The following CAGE1 variants were observed in gnomAD, a reference collection of about 807,000 sequenced individuals.
The protein encoded by CAGE1 is cancer antigen 1.
A neutral mutation model predicts 94.9 loss-of-function variants in CAGE1; 66 were observed. That is an observed-to-expected ratio of 0.70 (90% confidence interval 0.57 to 0.85). The LOEUF is 0.85. Ranked by LOEUF, CAGE1 falls within the 40% of genes least tolerant of loss-of-function variation. The pLI is 0.00. For synonymous variants in CAGE1, 319 were observed against 321.0 expected, an observed-to-expected ratio of 0.99 and a Z score of 0.07; for missense variants, 865 against 950.4, an observed-to-expected ratio of 0.91 and a Z score of 1.18.
chr6:7,361,577 A>G (rs2113424269), intron 9 of CAGE1, among the ~76,000 whole-genome samples: 1 of 152,338 alleles, frequency 6.6e-6, no homozygotes, highest in East Asian at 1.9e-4. Flanking sequence ...AACTGCAAAG[A>G]TAATCCTTCA....
At chr6:7,388,042 A>C (rs1355629985) in intron 1 of CAGE1, among the ~76,000 whole-genome samples, 3 of 151,108 alleles carry the variant, frequency 2.0e-5, no homozygotes, top group African/African-American at 7.3e-5. Context: ...CAAAAAAAAA[A>C]AAAAAAAAAA....
Position 7,365,851 on chromosome 6 carries a change from TA to T in CAGE1, c.2037del (p.Phe679LeufsTer4). On this transcript the variant is annotated frameshift_variant, in exon 8 of 14. Transcript: ENST00000502583. LOFTEE classifies it high-confidence loss of function. The stretch of plus-strand genomic sequence containing the variant: ...GCTTTTTCCTTAGCAATTAACTCTC[TA>T]AAGGTTGTGATTCTATCTTTATGTT... ...LLKHKDRITT[F>X]RELIAKEKAF... 6.5e-7 allele frequency: 1 copy of T among 1,539,334 alleles called. No individual in the cohort carries two copies.
rs757513454 is a variant in CAGE1, at chr6:7,362,936, TC to T, written c.2193+2531del. Among the ~76,000 whole-genome samples the T allele has an allele frequency of 6.6e-6, 1 of 152,100 alleles. No homozygotes were observed. The highest frequency in any genetic ancestry group is 1.5e-5 in the Non-Finnish European group (1 of 68,024). ...GAGTACTTTAAAGCAAACCTTGCCA[TC>T]ATATTAATTCACTCATAAATACTTT... On this transcript the variant is annotated intron_variant, in intron 9 of 13. Coordinates refer to ENST00000502583, the MANE Select transcript of CAGE1 (RefSeq NM_001170692.2). This position sits in a 1 kb window ranked among gnomAD's most constrained non-coding sequence, Gnocchi z 4.1.
At position 7,385,792 on chromosome 6, in the gene CAGE1, C is replaced by G; in HGVS notation, c.276G>C (p.Leu92Phe). 6.5e-7 allele frequency: 1 copy of G among 1,528,788 alleles called. No homozygotes were observed. Among genetic ancestry groups the G allele is most frequent in the Non-Finnish European group, 8.8e-7 (1 of 1,136,626 alleles). The allele number at this position is 1,528,788 out of a possible 1,614,324, so 94.7% of individuals were successfully genotyped here. The part of the protein sequence containing the change: ...CEDAYGTLDN[L>F]LNDNNIENYS... The stretch of plus-strand genomic sequence containing the variant: ...TAACAAGTAGATACTTACCATTTAA[C>G]AAATTGTCTAGTGTGCCATAAGCAT... The change falls in exon 3 of 14, where the codon TTG (leucine) becomes TTC (phenylalanine). Residue 92 changes from leucine to phenylalanine, a missense_variant. By Grantham distance (22) the Leu-to-Phe change is conservative (BLOSUM62 0). Coordinates refer to ENST00000502583, the MANE Select transcript of CAGE1 (RefSeq NM_001170692.2).
chr6:7,356,515 C>G (rs535341346), intron 9 of CAGE1, among the ~76,000 whole-genome samples: 1 of 152,148 alleles, frequency 6.6e-6, no homozygotes, highest in African/African-American at 2.4e-5. Context: ...GAAATACTCT[C>G]CCTTGCATAA....
chr6:7,364,465 T>TTTTG (rs542853858), intron 9 of CAGE1, among the ~76,000 whole-genome samples: 76 of 152,218 alleles, frequency 5.0e-4, no homozygotes, highest in African/African-American at 1.5e-3. Flanking sequence ...ATTACTGGTT[T>TTTTG]TTTGTTTGTT....
intron 5 of CAGE1, among the ~76,000 whole-genome samples, chr6:7,370,736 C>A (rs1760513800): frequency 6.6e-6 from 1 of 152,196 alleles, no homozygotes; most frequent in African/African-American, 2.4e-5. Context: ...ATTTGCTTCA[C>A]ACATTCCATC....
chr6:7,351,258 G>C (rs1759755788), intron 11 of CAGE1, among the ~76,000 whole-genome samples: 1 of 152,056 alleles, frequency 6.6e-6, no homozygotes, highest in African/African-American at 2.4e-5. Flanking sequence ...GGAAGAATTA[G>C]ATACCCTGAA....
At chr6:7,335,835 C>T (rs545093670) in intron 11 of CAGE1, among the ~76,000 whole-genome samples, 2 of 152,320 alleles carry the variant, frequency 1.3e-5, no homozygotes, top group South Asian at 4.1e-4. Flanking sequence ...CCTCAGCCTC[C>T]CAAAGTGCTG....
intron 4 of CAGE1, among the ~76,000 whole-genome samples, chr6:7,375,984 A>C (rs1436136747): frequency 6.6e-6 from 1 of 152,146 alleles, no homozygotes; most frequent in African/African-American, 2.4e-5. Context: ...CTTGATCCCC[A>C]ATCCCCAGTG....
chr6:7,347,518 G>GGT (rs1375239121), intron 11 of CAGE1: 4 of 144,670 alleles, frequency 2.8e-5, no homozygotes, highest in Non-Finnish European at 6.2e-5. Flanking sequence ...GGGGGGGTTG[G>GGT]GGGGGGCGGT....
chr6:7,365,596 T>A (rs1760303585), intron 8 of CAGE1, 21 bp from the exon 9 acceptor site: 1 of 1,595,476 alleles, frequency 6.3e-7, no homozygotes, highest in African/African-American at 1.3e-5. Flanking sequence ...ATATATTTGT[T>A]CTCACTTTCA....
intron 1 of CAGE1, among the ~76,000 whole-genome samples, chr6:7,387,742 G>C (rs571991029): frequency 6.6e-6 from 1 of 151,774 alleles, no homozygotes; most frequent in Admixed American, 6.6e-5. Context: ...TTTCAGGGCC[G>C]AGCGCGGTGG....
chr6:7,374,461 CA>C (rs1444607160), intron 4 of CAGE1, among the ~76,000 whole-genome samples: 34 of 152,042 alleles, frequency 2.2e-4, no homozygotes, highest in African/African-American at 7.7e-4. Flanking sequence ...TCTCTGAACA[CA>C]TATAAGATGC....
chr6:7,356,872 C>G (rs1461615411), intron 9 of CAGE1, among the ~76,000 whole-genome samples: 2 of 152,160 alleles, frequency 1.3e-5, no homozygotes, highest in Non-Finnish European at 2.9e-5. Context: ...TCTCAGCTCA[C>G]TGCAACCTCT....
chr6:7,361,481 CTGTG>C (rs140284720), intron 9 of CAGE1, among the ~76,000 whole-genome samples: 2 of 151,618 alleles, frequency 1.3e-5, no homozygotes, highest in Non-Finnish European at 2.9e-5. Context: ...AATGTTTTAG[CTGTG>C]TGTGTGTGTG....
chr6:7,368,826 T>C, intron 6 of CAGE1, 28 bp from the exon 7 acceptor site: 2 of 1,416,612 alleles, frequency 1.4e-6, no homozygotes, highest in East Asian at 5.1e-5. Context: ...AGAAGCTAGA[T>C]GAAAAAGTTT....
chr6:7,382,448 C>T (rs143194973), intron 3 of CAGE1, among the ~76,000 whole-genome samples: 3 of 152,022 alleles, frequency 2.0e-5, no homozygotes, highest in Admixed American at 6.5e-5. Context: ...ACTACAGGCA[C>T]GCGCCACTAT....
chr6:7,358,032 A>ATATATATG (rs1437541562), intron 9 of CAGE1, among the ~76,000 whole-genome samples: 15 of 22,844 alleles, frequency 6.6e-4, no homozygotes, highest in South Asian at 2.3e-3. Context: ...TTTGAGATAT[A>ATATATATG]TATATATATA....
Sources: allele counts gnomAD v4.1 joint callset (sites outside exome capture counted in the v4.1 genomes callset), GRCh38; gene constraint gnomAD v4.1.1; non-coding constraint Gnocchi (gnomAD v3.1); transcripts MANE v1.5; gene names NCBI Gene and HGNC (gene_info 2026-07-23, HGNC 2026-07-21).